LRPPRC: variants seen among roughly 807,000 people sequenced by gnomAD.
LRPPRC encodes the protein leucine rich pentatricopeptide repeat containing, also known as leucine-rich PPR motif-containing protein, mitochondrial.
A neutral mutation model predicts 180.3 loss-of-function variants in LRPPRC; 120 were observed. That is an observed-to-expected ratio of 0.67 (90% CI 0.57 to 0.77). LRPPRC has a LOEUF of 0.77. LRPPRC is among the 30% of genes least tolerant of loss of function. The probability of loss-of-function intolerance (pLI) is 0.00; values close to 1 mark genes in which losing one functional copy is unlikely to be tolerated. For synonymous variants in LRPPRC, 723 were observed against 600.0 expected, an observed-to-expected ratio of 1.21 and a Z score of -3.00; for missense variants, 2,012 against 1,657.2, an observed-to-expected ratio of 1.21 and a Z score of -3.72.
chr2:43,944,891 TA>T (rs1344564285), intron 22 of LRPPRC, among the ~76,000 whole-genome samples: 1 of 152,146 alleles, frequency 6.6e-6, no homozygotes, highest in Non-Finnish European at 1.5e-5. Flanking sequence ...TATATTTTGT[TA>T]ATGTTATTAA....
At chr2:43,933,290 G>A (rs576054926) in intron 25 of LRPPRC, among the ~76,000 whole-genome samples, 1 of 152,210 alleles carries the variant, frequency 6.6e-6, no homozygotes, top group East Asian at 1.9e-4. Flanking sequence ...TCTGGGTTGT[G>A]TGCCTATATT....
chr2:43,890,230 T>C (rs1312080833), intron 36 of LRPPRC: 1 of 412,374 alleles, frequency 2.4e-6, no homozygotes, highest in Non-Finnish European at 4.9e-6. Context: ...CACCATTCAA[T>C]CCCCTTTGGC....
chr2:43,888,616 C>G lies in LRPPRC; in HGVS notation c.4169G>C (p.Arg1390Thr). 1.2e-6 allele frequency: 2 copies of G among 1,601,108 alleles called. No individual in the cohort carries two copies. The highest frequency in any genetic ancestry group is 2.2e-5 in the South Asian group (2 of 90,672). ...EFYAQQLRKL[R>T]ENSS ...CTGGTTATTTCAAGAAGAGTTTTCC[C>G]TCAATTTTCTTAGCTGCTGTGCATA... The change falls in exon 38 of 38, where the codon AGG (arginine) becomes ACG (threonine). Residue 1390 changes from arginine to threonine, a missense_variant. Arg to Thr is a moderately conservative substitution (Grantham distance 71, BLOSUM62 -1). Transcript: ENST00000260665.
In LRPPRC at chr2:43,925,101, T is replaced by C; in HGVS notation, c.2862A>G (p.Arg954=). The C allele has an allele frequency of 1.9e-6, 3 of 1,599,274 alleles. No homozygotes were observed. Among genetic ancestry groups the C allele is most frequent in the Non-Finnish European group, 1.7e-6 (2 of 1,166,522 alleles). ...ELTQKLFECD[R]DQMYYNLLKL... is the part of the protein sequence containing the mutation. ...TTAGCAGATTGTAGTACATCTGGTC[T>C]CTATCACATTCAAATAGCTTCTGTG... The change falls in exon 27 of 38, where the codon AGA becomes AGG. Residue 954 remains arginine, a synonymous_variant. Coordinates refer to ENST00000260665, the MANE Select transcript of LRPPRC (RefSeq NM_133259.4).
intron 1 of LRPPRC, 79 bp from the exon 2 acceptor site, chr2:43,982,513 TAAAATTA>T: frequency 9.4e-7 from 1 of 1,060,974 alleles, no homozygotes; most frequent in South Asian, 1.3e-5. Flanking sequence ...AAACAAATTT[TAAAATTA>T]GTTATTAAAC....
chr2:43,966,968 T>C (rs191854910), intron 11 of LRPPRC, among the ~76,000 whole-genome samples: 5 of 152,166 alleles, frequency 3.3e-5, no homozygotes, highest in Admixed American at 2.6e-4. Flanking sequence ...GGAGAACTGC[T>C]TGAACCCAGA....
chr2:43,953,214 T>C (rs930029834), intron 14 of LRPPRC, among the ~76,000 whole-genome samples: 3 of 152,170 alleles, frequency 2.0e-5, no homozygotes, highest in African/African-American at 7.2e-5. Flanking sequence ...TCTATAAACA[T>C]TCATAGTTAC....
At chr2:43,929,173 C>G (rs762064120) in intron 25 of LRPPRC, among the ~76,000 whole-genome samples, 1 of 152,154 alleles carries the variant, frequency 6.6e-6, no homozygotes, top group South Asian at 2.1e-4. Context: ...CAGTACATAA[C>G]AAGCAATTCA....
intron 21 of LRPPRC, among the ~76,000 whole-genome samples, 192 bp downstream of exon 21, chr2:43,945,917 TAAAC>T (rs1462377582): frequency 6.6e-6 from 1 of 150,776 alleles, no homozygotes; most frequent in Non-Finnish European, 1.5e-5. Flanking sequence ...TTATCATACT[TAAAC>T]AAAGACACCT....
At chr2:43,984,662 C>T (rs1674449358) in intron 1 of LRPPRC, among the ~76,000 whole-genome samples, 1 of 152,160 alleles carries the variant, frequency 6.6e-6, no homozygotes, top group East Asian at 1.9e-4. Context: ...AAGAGTTTCA[C>T]AGCCTGGAGT....
intron 1 of LRPPRC, among the ~76,000 whole-genome samples, chr2:43,994,204 A>G (rs1572595853): frequency 6.6e-6 from 1 of 152,388 alleles, no homozygotes; most frequent in East Asian, 1.9e-4. Context: ...GCTCAGAGGC[A>G]TGATTTCGGA....
At chr2:43,902,298 A>G (rs1670917222) in intron 31 of LRPPRC, 1 of 152,246 alleles carries the variant, frequency 6.6e-6, no homozygotes, top group South Asian at 2.1e-4. Context: ...CTTCTAGCTA[A>G]CTGACTCATA....
chr2:43,964,031 G>A (rs765683902), intron 11 of LRPPRC, among the ~76,000 whole-genome samples: 1 of 152,172 alleles, frequency 6.6e-6, no homozygotes, highest in Non-Finnish European at 1.5e-5. Context: ...TGCTATTATA[G>A]AGCAATGATG....
At chr2:43,950,632 C>G in intron 14 of LRPPRC, 32 bp from the exon 15 acceptor site, 1 of 1,584,098 alleles carries the variant, frequency 6.3e-7, no homozygotes, top group Non-Finnish European at 8.7e-7. Context: ...CGAAAATAAA[C>G]CCAGGTTTAT....
intron 36 of LRPPRC, chr2:43,892,575 C>T (rs1670529470): frequency 6.6e-6 from 1 of 152,204 alleles, no homozygotes; most frequent in South Asian, 2.1e-4. Context: ...CACCCAAGAG[C>T]TCTGAAGGAG....
intron 24 of LRPPRC, 33 bp from the exon 25 acceptor site, chr2:43,934,329 G>A (rs764717919): frequency 1.2e-5 from 12 of 1,032,382 alleles, no homozygotes; most frequent in East Asian, 2.4e-5. Flanking sequence ...TATATATTAG[G>A]AGAAAAAAAA....
intron 34 of LRPPRC, among the ~76,000 whole-genome samples, chr2:43,898,583 T>G (rs989790297): frequency 1.3e-5 from 2 of 152,184 alleles, no homozygotes; most frequent in African/African-American, 2.4e-5. Flanking sequence ...AGCTTTATAT[T>G]TAGTGCTGTT....
At chr2:43,962,924 A>G (rs1347828202) in intron 12 of LRPPRC, among the ~76,000 whole-genome samples, 2 of 152,170 alleles carry the variant, frequency 1.3e-5, no homozygotes, top group Admixed American at 1.3e-4. Flanking sequence ...TGGATAACAT[A>G]CTGAAACTCC....
intron 14 of LRPPRC, 57 bp from the exon 15 acceptor site, chr2:43,950,657 A>G: frequency 9.2e-7 from 1 of 1,082,728 alleles, no homozygotes; most frequent in South Asian, 1.2e-5. Flanking sequence ...AAGTATATGC[A>G]TACTTGTAAT....
Sources: allele counts gnomAD v4.1 joint callset (sites outside exome capture counted in the v4.1 genomes callset), GRCh38; gene constraint gnomAD v4.1.1; transcripts MANE v1.5; gene names NCBI Gene and HGNC (gene_info 2026-07-23, HGNC 2026-07-21).